Variants in FSTL5 observed in about 807,000 individuals in gnomAD.
FSTL5 encodes follistatin-related protein 5.
A neutral mutation model predicts 89.1 loss-of-function variants in FSTL5; 62 were observed. The ratio of observed to expected loss-of-function variants is 0.70; its 90% CI spans 0.57 to 0.86. FSTL5 has a LOEUF of 0.86. Among genes scored for constraint, FSTL5 ranks in the 40% least tolerant of loss-of-function variants. FSTL5 has a pLI of 0.00. For missense variants in FSTL5, 1,057 were observed against 1,001.6 expected (o/e 1.06, Z -0.75); for synonymous variants, 383 against 346.2 (o/e 1.11, Z -1.18).
chr4:162,131,964 T>C (rs752085126), intron 1 of FSTL5, among the ~76,000 whole-genome samples: 1 of 152,204 alleles, frequency 6.6e-6, no homozygotes, highest in Non-Finnish European at 1.5e-5. Context: ...GAATCTACAA[T>C]TTAAACAGGG....
intron 3 of FSTL5, among the ~76,000 whole-genome samples, chr4:162,015,773 C>G (rs1164724874): frequency 6.6e-6 from 1 of 152,162 alleles, no homozygotes; most frequent in Admixed American, 6.6e-5. Context: ...TTTTTCTTTA[C>G]TCTTCAATCT....
At chr4:161,960,899 C>T (rs1204118171) in intron 3 of FSTL5, among the ~76,000 whole-genome samples, 8 of 151,534 alleles carry the variant, frequency 5.3e-5, no homozygotes, top group South Asian at 2.1e-4. Context: ...AGAGCCATAA[C>T]GAAAATAAAT....
chr4:161,801,655 A>G (rs1159127863), intron 4 of FSTL5, among the ~76,000 whole-genome samples: 1 of 151,218 alleles, frequency 6.6e-6, no homozygotes, highest in Non-Finnish European at 1.5e-5. Flanking sequence ...GTAAAACTGT[A>G]GGTGAATATT....
At chr4:161,625,318 G>A (rs1330161392) in intron 7 of FSTL5, among the ~76,000 whole-genome samples, 2 of 152,026 alleles carry the variant, frequency 1.3e-5, no homozygotes, top group African/African-American at 4.8e-5. Flanking sequence ...CCTACAGTAT[G>A]TGCTCACTTC....
chr4:161,959,253 TGAGCA>T (rs1735107368), intron 3 of FSTL5, among the ~76,000 whole-genome samples: 1 of 152,138 alleles, frequency 6.6e-6, no homozygotes, highest in South Asian at 2.1e-4. Flanking sequence ...TGTGTTACGA[TGAGCA>T]AAATTTTATA....
chr4:161,538,336 A>T (rs746584393), intron 9 of FSTL5, 36 bp from the exon 10 acceptor site: 16 of 1,612,114 alleles, frequency 9.9e-6, no homozygotes, highest in Non-Finnish European at 1.4e-5. Context: ...TGTAAACTAC[A>T]ATTTCAGTTT....
chr4:161,644,708 G>C (rs917319778), intron 7 of FSTL5, among the ~76,000 whole-genome samples: 1 of 152,068 alleles, frequency 6.6e-6, no homozygotes, highest in Non-Finnish European at 1.5e-5. Flanking sequence ...AAGCCATTAA[G>C]GGATTTTAAA....
At chr4:161,538,110 G>A in intron 10 of FSTL5, 56 bp downstream of exon 10, 1 of 1,560,496 alleles carries the variant, frequency 6.4e-7, no homozygotes, top group Non-Finnish European at 8.7e-7. Flanking sequence ...AAAAAAAGCT[G>A]TAAAAAAGTA....
At chr4:161,808,044 A>G (rs1479356628) in intron 4 of FSTL5, among the ~76,000 whole-genome samples, 1 of 152,208 alleles carries the variant, frequency 6.6e-6, no homozygotes, top group Non-Finnish European at 1.5e-5. Context: ...GCTGAAATGT[A>G]ATATACTGAG....
At chr4:162,055,751 C>A (rs1227714897) in intron 2 of FSTL5, among the ~76,000 whole-genome samples, 1 of 151,804 alleles carries the variant, frequency 6.6e-6, no homozygotes, top group African/African-American at 2.4e-5. Flanking sequence ...GTTTTTACTA[C>A]TATGAATAGG....
At chr4:161,854,390 A>G (rs1243317499) in intron 4 of FSTL5, among the ~76,000 whole-genome samples, 6 of 152,182 alleles carry the variant, frequency 3.9e-5, no homozygotes, top group African/African-American at 4.8e-5. Flanking sequence ...AGTTATCTCA[A>G]TGAGTATTGT....
chr4:161,900,682 A>C (rs1437961702), intron 4 of FSTL5, among the ~76,000 whole-genome samples: 3 of 149,932 alleles, frequency 2.0e-5, no homozygotes, highest in African/African-American at 7.3e-5. Flanking sequence ...AAAGAAAAGA[A>C]AAAAAAAAGA....
intron 15 of FSTL5, among the ~76,000 whole-genome samples, chr4:161,416,298 T>C (rs1193288314): frequency 6.6e-6 from 1 of 152,180 alleles, no homozygotes; most frequent in Non-Finnish European, 1.5e-5. Context: ...ACAGAGCCAA[T>C]GACCTTTCAT....
intron 4 of FSTL5, among the ~76,000 whole-genome samples, chr4:161,808,990 G>A (rs538829771): frequency 1.4e-4 from 22 of 152,216 alleles, no homozygotes; most frequent in Admixed American, 4.6e-4. Context: ...AGGCCGAGGC[G>A]GGCAGATCAC....
intron 10 of FSTL5, among the ~76,000 whole-genome samples, chr4:161,528,071 C>A (rs572193492): frequency 2.7e-5 from 4 of 147,050 alleles, no homozygotes; most frequent in African/African-American, 1.0e-4. Flanking sequence ...GGCATATTCT[C>A]ACTCATAGGT....
intron 4 of FSTL5, among the ~76,000 whole-genome samples, chr4:161,783,649 C>T (rs1226567767): frequency 2.3e-5 from 2 of 86,618 alleles, no homozygotes; most frequent in East Asian, 3.2e-4. Context: ...TTCTTTCTCT[C>T]TCTTTCTTTC....
chr4:161,852,458 A>G (rs1731584060), intron 4 of FSTL5, among the ~76,000 whole-genome samples: 2 of 152,174 alleles, frequency 1.3e-5, no homozygotes, highest in Admixed American at 1.3e-4. Context: ...AAGTATAGAA[A>G]CAACTGATTC....
At chr4:161,556,016 T>C (rs1732375278) in intron 8 of FSTL5, among the ~76,000 whole-genome samples, 2 of 151,712 alleles carry the variant, frequency 1.3e-5, no homozygotes, top group South Asian at 2.1e-4. Flanking sequence ...AGGGAGGAAG[T>C]GGAAGCATGA....
chr4:161,919,861 T>C (rs1390040343), intron 4 of FSTL5, among the ~76,000 whole-genome samples: 1 of 152,184 alleles, frequency 6.6e-6, no homozygotes, highest in Non-Finnish European at 1.5e-5. Flanking sequence ...TGAAAGTGAA[T>C]ACCAGTACTT....
Sources: allele counts gnomAD v4.1 joint callset (sites outside exome capture counted in the v4.1 genomes callset), GRCh38; gene constraint gnomAD v4.1.1; transcripts MANE v1.5; gene names NCBI Gene and HGNC (gene_info 2026-07-23, HGNC 2026-07-21).